The following SGCZ variants were observed in gnomAD, a reference collection of about 807,000 sequenced individuals.
SGCZ encodes zeta-sarcoglycan.
A neutral mutation model predicts 41.3 loss-of-function variants in SGCZ; 40 were observed. That is an observed-to-expected ratio of 0.97 (90% CI 0.75 to 1.26). The LOEUF (loss-of-function observed/expected upper bound fraction) is 1.26, where lower values mean the gene tolerates loss of function less well. Among genes scored for constraint, SGCZ ranks in the 50% most tolerant of loss-of-function variants. The pLI is 0.00. For synonymous variants in SGCZ, 206 were observed against 137.5 expected (o/e 1.50, Z -3.49); for missense variants, 552 against 369.8 (o/e 1.49, Z -4.04).
chr8:14,442,052 C>A (rs1800287106), intron 2 of SGCZ, among the ~76,000 whole-genome samples: 1 of 152,178 alleles, frequency 6.6e-6, no homozygotes, highest in Non-Finnish European at 1.5e-5. Flanking sequence ...AAGGCCATAA[C>A]CAGAGACATT....
At chr8:14,183,621 C>T (rs188484751) in intron 4 of SGCZ, among the ~76,000 whole-genome samples, 9 of 152,270 alleles carry the variant, frequency 5.9e-5, no homozygotes, top group Non-Finnish European at 5.9e-5. Flanking sequence ...AGCATAGTTA[C>T]AAAAATTGTT....
chr8:15,164,518 T>A (rs1318705168), intron 1 of SGCZ, among the ~76,000 whole-genome samples: 1 of 151,942 alleles, frequency 6.6e-6, no homozygotes, highest in Non-Finnish European at 1.5e-5. Flanking sequence ...GGACAGTAAT[T>A]GAATTAATCT....
At chr8:14,196,230 G>T (rs184809277) in intron 4 of SGCZ, among the ~76,000 whole-genome samples, 3 of 150,762 alleles carry the variant, frequency 2.0e-5, no homozygotes, top group African/African-American at 7.3e-5. Context: ...AAATCAATAA[G>T]AAGATAAAAT....
At chr8:14,408,950 A>AGTGTGTGTGTGTGTGTGT (rs36121697) in intron 2 of SGCZ, among the ~76,000 whole-genome samples, 1,628 of 126,386 alleles carry the variant, frequency 0.013, 37 homozygotes, top group African/African-American at 0.038. Flanking sequence ...TTAAATTAAG[A>AGTGTGTGTGTGTGTGTGT]GAGTGTGTGT....
chr8:14,406,091 T>C (rs1241279264), intron 2 of SGCZ, among the ~76,000 whole-genome samples: 1 of 144,966 alleles, frequency 6.9e-6, no homozygotes, highest in Non-Finnish European at 1.5e-5. Flanking sequence ...ACAACCCTAC[T>C]GCTTGCTTAA....
chr8:14,108,196 G>A lies in SGCZ; in HGVS notation c.587C>T (p.Pro196Leu), dbSNP rs145213189. 2,013 of 1,614,022 alleles carry A rather than the reference G, an allele frequency of 1.2e-3. 3 individuals are homozygous for A. The highest frequency in any genetic ancestry group is 1.5e-3 in the Non-Finnish European group (1,748 of 1,179,980). ...GAVFGHSVET[P>L]HIRAEPSQDL... is the part of the protein sequence containing the mutation. ...TTGGGATGGCTCTGCTCTGATGTGC[G>A]GCGTCTCCACAGAGTGCCCAAATAC... Residue 196 changes from proline (P) to leucine (L), a missense_variant, in exon 6 of 8, where the codon CCG (proline) becomes CTG (leucine). By Grantham distance (98) the Pro-to-Leu change is moderately conservative. Transcript: ENST00000382080.
At chr8:15,117,374 A>T (rs558078433) in intron 1 of SGCZ, among the ~76,000 whole-genome samples, 1 of 152,100 alleles carries the variant, frequency 6.6e-6, no homozygotes, top group Non-Finnish European at 1.5e-5. Context: ...AAAAAAAAGT[A>T]TAAATGTATT....
chr8:14,801,522 T>C (rs973883112), intron 1 of SGCZ, among the ~76,000 whole-genome samples: 7 of 152,208 alleles, frequency 4.6e-5, no homozygotes, highest in Admixed American at 1.3e-4. Flanking sequence ...AGACAGATTA[T>C]GTTTATTTTC....
chr8:15,183,198 C>T (rs761895511), intron 1 of SGCZ, among the ~76,000 whole-genome samples: 13 of 152,120 alleles, frequency 8.5e-5, no homozygotes, highest in Non-Finnish European at 1.5e-5. Flanking sequence ...CTAAAGTATG[C>T]ATCAATAGTA....
chr8:14,255,710 A>C (rs1386051753), intron 3 of SGCZ, among the ~76,000 whole-genome samples: 3 of 152,146 alleles, frequency 2.0e-5, no homozygotes, highest in Non-Finnish European at 4.4e-5. Flanking sequence ...TAATGAATGA[A>C]AGAGGTTCAA....
intron 3 of SGCZ, among the ~76,000 whole-genome samples, chr8:14,281,197 AG>A (rs1469509329): frequency 2.0e-5 from 3 of 152,018 alleles, no homozygotes; most frequent in Non-Finnish European, 4.4e-5. Context: ...TATGAGACTT[AG>A]TTTCTACTCT....
At chr8:14,394,343 G>T (rs1208509414) in intron 2 of SGCZ, among the ~76,000 whole-genome samples, 1 of 151,836 alleles carries the variant, frequency 6.6e-6, no homozygotes, top group East Asian at 1.9e-4. Flanking sequence ...CAGAGACTGG[G>T]TTTCACCATG....
intron 1 of SGCZ, among the ~76,000 whole-genome samples, chr8:14,816,860 CAA>C (rs1801916507): frequency 6.6e-6 from 1 of 152,112 alleles, no homozygotes; most frequent in Non-Finnish European, 1.5e-5. Context: ...GCCAAAAAGG[CAA>C]AGAGAATATG....
rs892371184 is a variant in SGCZ, at chr8:14,085,352, G to A, written c.*5091C>T. Among the ~76,000 whole-genome samples, 4 of 151,440 alleles carry A rather than the reference G, an allele frequency of 2.6e-5. No homozygotes were observed. Among genetic ancestry groups the A allele is most frequent in the African/African-American group, 9.7e-5 (4 of 41,304 alleles). Reference sequence around the variant, plus strand: ...TGATTTAAAGAATTGTATAAATAACGAGACACTCAAACTCCAGATTACATA... The same window carrying A: ...TGATTTAAAGAATTGTATAAATAACAAGACACTCAAACTCCAGATTACATA... On this transcript the variant is annotated 3_prime_UTR_variant, in exon 8 of 8. Transcript: ENST00000382080.
chr8:14,390,117 C>T, intron 2 of SGCZ, among the ~76,000 whole-genome samples: 1 of 151,776 alleles, frequency 6.6e-6, no homozygotes, highest in East Asian at 1.9e-4. Context: ...ATAAAAATTC[C>T]ATTCCCAGGA....
At chr8:14,791,591 T>C (rs1800955140) in intron 1 of SGCZ, among the ~76,000 whole-genome samples, 1 of 152,250 alleles carries the variant, frequency 6.6e-6, no homozygotes, top group East Asian at 1.9e-4. Flanking sequence ...CCCAAACCCA[T>C]CCCCAATTTT....
chr8:15,195,901 T>C (rs1399551558), intron 1 of SGCZ, among the ~76,000 whole-genome samples: 2 of 125,350 alleles, frequency 1.6e-5, no homozygotes, highest in East Asian at 4.2e-4. Flanking sequence ...TTTTTTTTTT[T>C]TTTTTTTTTT....
chr8:14,880,443 C>A (rs997655096), intron 1 of SGCZ, among the ~76,000 whole-genome samples: 1 of 152,094 alleles, frequency 6.6e-6, no homozygotes, highest in Non-Finnish European at 1.5e-5. Context: ...CCCAGCCATC[C>A]CATTACTGGG....
At chr8:14,143,291 T>G (rs1163126831) in intron 5 of SGCZ, among the ~76,000 whole-genome samples, 1 of 152,196 alleles carries the variant, frequency 6.6e-6, no homozygotes, top group African/African-American at 2.4e-5. Flanking sequence ...ATTCCCTTAC[T>G]AAAATAGCAC....
Sources: allele counts gnomAD v4.1 joint callset (sites outside exome capture counted in the v4.1 genomes callset), GRCh38; gene constraint gnomAD v4.1.1; transcripts MANE v1.5; gene names NCBI Gene and HGNC (gene_info 2026-07-23, HGNC 2026-07-21).